The following KAT7 variants were observed in gnomAD, a reference collection of about 807,000 sequenced individuals.
KAT7 encodes the protein histone acetyltransferase KAT7.
Under a neutral mutation model 82.1 loss-of-function variants are expected in KAT7, and 10 were observed. The observed-to-expected ratio is 0.12, with a 90% CI of 0.08 to 0.21. The LOEUF (loss-of-function observed/expected upper bound fraction) is 0.21, where lower values mean the gene tolerates loss of function less well. Ranked by LOEUF, KAT7 falls within the 10% of genes least tolerant of loss-of-function variation. The pLI is 1.00. For synonymous variants in KAT7, 250 were observed against 262.5 expected, an observed-to-expected ratio of 0.95 and a Z score of 0.46; for missense variants, 378 against 760.9, an observed-to-expected ratio of 0.50 and a Z score of 5.92.
chr17:49,824,904 A>G (rs527884381), intron 12 of KAT7, among the ~76,000 whole-genome samples: 1 of 152,238 alleles, frequency 6.6e-6, no homozygotes, highest in African/African-American at 2.4e-5. Context: ...GGTATCTCTA[A>G]AAGATAAGGT....
intron 12 of KAT7, among the ~76,000 whole-genome samples, chr17:49,825,085 T>C (rs1205765009): frequency 6.6e-6 from 1 of 152,214 alleles, no homozygotes. Context: ...GTCTAAAACT[T>C]TCCACTCCCA....
rs61436973 is a variant in KAT7, at chr17:49,829,885, G to GT, written c.*2396dup. 33,021 of 145,436 alleles carry GT rather than the reference G, an allele frequency of 0.23. 3,810 individuals are homozygous for GT. Among genetic ancestry groups the GT allele is most frequent in the East Asian group, 0.48 (2,425 of 5,026 alleles). The allele number at this position is 145,436 out of a possible 1,614,324, so 9.0% of individuals were successfully genotyped here. ...GCATGAGACTATCCCATTTCATTCC[G>GT]TTTTTTTTTTTTTGAGTCAGAGTCT... On this transcript the variant is annotated 3_prime_UTR_variant, in exon 15 of 15. Transcript: ENST00000259021.
rs991855254 is a variant in KAT7, at chr17:49,793,745, G to A, written c.163+1712G>A. Among the ~76,000 whole-genome samples, 14 of 152,062 alleles carry A rather than the reference G, an allele frequency of 9.2e-5. No individual in the cohort carries two copies. In the East Asian group the frequency reaches 1.6e-3, roughly 17 times the overall value. ...ACGCCACCGTGCCCAGCTAATTTTT[G>A]TATTTTTAGTAGAGATGGGGTTTCA... On this transcript the variant is annotated intron_variant, in intron 2 of 14. Coordinates refer to ENST00000259021, the MANE Select transcript of KAT7 (RefSeq NM_007067.5).
chr17:49,805,967 A>G (rs2074087023), intron 5 of KAT7, among the ~76,000 whole-genome samples: 1 of 152,228 alleles, frequency 6.6e-6, no homozygotes, highest in African/African-American at 2.4e-5. Flanking sequence ...TAGCTCCTAA[A>G]TAACCTTTGG....
In KAT7 at chr17:49,825,054, G is replaced by A. The variant is rs530458024; in HGVS notation, c.1481-946G>A. Reference sequence around the variant, plus strand: ...AGAATTGATAGTGGGATTGAGAAATGTGGCTCATAATTCACTTTTAGTCTA... The same window carrying A: ...AGAATTGATAGTGGGATTGAGAAATATGGCTCATAATTCACTTTTAGTCTA... On this transcript the variant is annotated intron_variant, in intron 12 of 14. Coordinates refer to ENST00000259021, the MANE Select transcript of KAT7 (RefSeq NM_007067.5). Among the ~76,000 whole-genome samples, 3 of 152,082 alleles carry A rather than the reference G, an allele frequency of 2.0e-5. No individual in the cohort carries two copies. In the South Asian group the frequency reaches 6.2e-4, roughly 32 times the overall value.
chr17:49,820,130 C>A (rs1336208614), intron 9 of KAT7, among the ~76,000 whole-genome samples: 1 of 152,192 alleles, frequency 6.6e-6, no homozygotes, highest in African/African-American at 2.4e-5. Flanking sequence ...GGCATGGCGC[C>A]ATGCGCCTAT....
chr17:49,809,436 A>C (rs1263288102), intron 6 of KAT7, among the ~76,000 whole-genome samples: 1 of 152,226 alleles, frequency 6.6e-6, no homozygotes, highest in African/African-American at 2.4e-5. Flanking sequence ...TAGTAGTAGC[A>C]GTAGTAGTAG....
chr17:49,808,708 T>TC (rs2074124225), intron 5 of KAT7, among the ~76,000 whole-genome samples: 1 of 152,192 alleles, frequency 6.6e-6, no homozygotes, highest in Admixed American at 6.5e-5. Context: ...CGCCTCAGCC[T>TC]CCCAAAGTGC....
chr17:49,821,508 A>T, intron 10 of KAT7, 82 bp downstream of exon 10: 1 of 1,484,396 alleles, frequency 6.7e-7, no homozygotes, highest in Non-Finnish European at 9.4e-7. Flanking sequence ...TCTCCATCAC[A>T]CCTTGTGAAG....
At chr17:49,810,986 G>A (rs547857228) in intron 6 of KAT7, among the ~76,000 whole-genome samples, 8 of 152,026 alleles carry the variant, frequency 5.3e-5, no homozygotes, top group Non-Finnish European at 8.8e-5. Flanking sequence ...GTGACAGAGC[G>A]AGACCCTGCC....
At chr17:49,812,950 C>T (rs961076179) in intron 7 of KAT7, among the ~76,000 whole-genome samples, 8 of 151,690 alleles carry the variant, frequency 5.3e-5, no homozygotes, top group African/African-American at 1.9e-4. Context: ...ATCCACCCGC[C>T]TCGGCCTCCC....
chr17:49,806,367 T>C (rs1481507780), intron 5 of KAT7, among the ~76,000 whole-genome samples: 2 of 152,228 alleles, frequency 1.3e-5, no homozygotes, highest in African/African-American at 4.8e-5. Flanking sequence ...TAGTGTACTT[T>C]CCGTGCTTAT....
chr17:49,810,729 C>A (rs1034005181), intron 6 of KAT7, among the ~76,000 whole-genome samples: 24 of 152,154 alleles, frequency 1.6e-4, no homozygotes, highest in South Asian at 4.2e-4. Flanking sequence ...GACGTCTATC[C>A]TTAGTTTATG....
Position 49,815,789 on chromosome 17 carries a change from G to A in KAT7, c.853-14G>A, listed in dbSNP as rs2074226340. 3 of 1,502,792 alleles carry A rather than the reference G, an allele frequency of 2.0e-6. No homozygotes were observed. The highest frequency in any genetic ancestry group is 2.8e-6 in the Non-Finnish European group (3 of 1,080,434). The allele number at this position is 1,502,792 out of a possible 1,614,324, so 93.1% of individuals were successfully genotyped here. On this transcript the variant is annotated splice_polypyrimidine_tract_variant and intron_variant, in intron 7 of 14. Coordinates refer to ENST00000259021, the MANE Select transcript of KAT7 (RefSeq NM_007067.5). ...AGAGAGTATCAGAGTATCACGCTCT[G>A]GTTATTTTCCTAGGAACACAGACAG... is the stretch of plus-strand genomic sequence containing the variant.
chr17:49,807,266 G>T (rs2074103192), intron 5 of KAT7, among the ~76,000 whole-genome samples: 1 of 152,212 alleles, frequency 6.6e-6, no homozygotes, highest in Admixed American at 6.5e-5. Context: ...GAGAGAGTCT[G>T]TTTCGGGGGT....
intron 7 of KAT7, among the ~76,000 whole-genome samples, chr17:49,812,620 T>TA (rs957909308): frequency 2.0e-5 from 3 of 151,562 alleles, no homozygotes; most frequent in Non-Finnish European, 4.4e-5. Context: ...AACATTCCAA[T>TA]AAAAAAAAAT....
At chr17:49,811,760 A>G (rs918120857) in intron 7 of KAT7, among the ~76,000 whole-genome samples, 186 bp downstream of exon 7, 3 of 152,230 alleles carry the variant, frequency 2.0e-5, no homozygotes, top group Non-Finnish European at 4.4e-5. Context: ...GAGTGGAAAC[A>G]GGAGGTCTTG....
intron 4 of KAT7, among the ~76,000 whole-genome samples, chr17:49,802,805 A>C (rs1349591836): frequency 6.6e-6 from 1 of 152,150 alleles, no homozygotes; most frequent in Non-Finnish European, 1.5e-5. Flanking sequence ...GACTCACTGC[A>C]GCCTTGACTT....
Position 49,821,338 on chromosome 17 carries a change from C to A in KAT7, c.1157C>A (p.Ala386Asp). 1 of 1,612,508 alleles carries A rather than the reference C, an allele frequency of 6.2e-7. No individual in the cohort carries two copies. Among genetic ancestry groups the A allele is most frequent in the East Asian group, 2.2e-5 (1 of 44,856 alleles). The change falls in exon 10 of 15, where the codon GCC becomes GAC. Residue 386 changes from alanine to aspartate, a missense_variant and splice_region_variant. By Grantham distance (126) the Ala-to-Asp change is moderately radical. This residue lies in a region of KAT7 where 37 missense variants were observed against 98.6 expected (regional missense o/e 0.38). Transcript: ENST00000259021. ...KSQTILRRHM[A>D]KCVWKHPPGD... Reference sequence around the variant, plus strand: ...GATGTGAATTTCATTGTCTTGCAGGCCAAATGTGTGTGGAAACACCCACCT... The same window carrying A: ...GATGTGAATTTCATTGTCTTGCAGGACAAATGTGTGTGGAAACACCCACCT...
Sources: allele counts gnomAD v4.1 joint callset (sites outside exome capture counted in the v4.1 genomes callset), GRCh38; gene constraint gnomAD v4.1.1; regional missense constraint gnomAD v4.1.1; transcripts MANE v1.5; gene names NCBI Gene and HGNC (gene_info 2026-07-23, HGNC 2026-07-21).